Variants in CRB1 observed in about 807,000 individuals in gnomAD.
CRB1 encodes the protein protein crumbs homolog 1.
CRB1 carries 83 observed loss-of-function variants against 120.0 expected under a neutral mutation model. The ratio of observed to expected loss-of-function variants is 0.69; its 90% confidence interval spans 0.58 to 0.83. The LOEUF (loss-of-function observed/expected upper bound fraction) is 0.83. CRB1 is among the 40% of genes least tolerant of loss of function. The probability of loss-of-function intolerance (pLI) is 0.00; values close to 1 mark genes in which losing one functional copy is unlikely to be tolerated. For missense variants in CRB1, 1,699 were observed against 1,687.6 expected, an observed-to-expected ratio of 1.01 and a Z score of -0.12; for synonymous variants, 625 against 612.5, an observed-to-expected ratio of 1.02 and a Z score of -0.30.
chr1:197,471,137 G>T (rs566125572), intron 11 of CRB1, among the ~76,000 whole-genome samples: 7 of 152,014 alleles, frequency 4.6e-5, no homozygotes, highest in African/African-American at 1.7e-4. Flanking sequence ...ATATCAGAAG[G>T]TTCCCAGGAA....
At chr1:197,204,587 A>T in the CRB1 span, among the ~76,000 whole-genome samples, 1 of 151,878 alleles carries the variant, frequency 6.6e-6, no homozygotes, top group South Asian at 2.1e-4. Context: ...TCTTTTGAGG[A>T]TTATCTATTC....
chr1:197,266,924 G>A (rs539450940), upstream of CRB1, among the ~76,000 whole-genome samples: 3 of 152,138 alleles, frequency 2.0e-5, no homozygotes, highest in South Asian at 4.2e-4. Flanking sequence ...TTTTTAGAAC[G>A]AATGGAGATC....
the CRB1 span, among the ~76,000 whole-genome samples, chr1:197,245,806 C>T: frequency 6.6e-6 from 1 of 152,014 alleles, no homozygotes; most frequent in Non-Finnish European, 1.5e-5. Context: ...AGAAGAAGGG[C>T]AGGTTCCTTA....
upstream of CRB1, among the ~76,000 whole-genome samples, chr1:197,264,348 C>T (rs1039880971): frequency 2.6e-5 from 4 of 151,930 alleles, no homozygotes; most frequent in Non-Finnish European, 5.9e-5. Context: ...TTATATATAC[C>T]GTATTTTCTT....
chr1:197,468,754 T>C (rs1346908274), intron 11 of CRB1, among the ~76,000 whole-genome samples: 2 of 152,188 alleles, frequency 1.3e-5, no homozygotes, highest in Non-Finnish European at 2.9e-5. Context: ...ACAGCTCTTC[T>C]CAAAAATGTG....
the CRB1 span, among the ~76,000 whole-genome samples, chr1:197,241,957 T>C: frequency 6.6e-6 from 1 of 152,192 alleles, no homozygotes; most frequent in Non-Finnish European, 1.5e-5. Flanking sequence ...GTAGCAATTG[T>C]GAATGGGAAT....
At chr1:197,297,024 T>G (rs1400106018) in intron 1 of CRB1, among the ~76,000 whole-genome samples, 1 of 152,036 alleles carries the variant, frequency 6.6e-6, no homozygotes, top group Middle Eastern at 3.2e-3. Context: ...CTTGATTGAC[T>G]TCCTCTCTTT....
intron 2 of CRB1, among the ~76,000 whole-genome samples, chr1:197,341,647 G>T (rs2786107): frequency 0.8 from 120,996 of 152,196 alleles, 49,372 homozygotes; most frequent in African/African-American, 0.91. Context: ...TGACTTCTGT[G>T]AGAATGATCA....
At chr1:197,383,706 C>T (rs1662072672) in intron 5 of CRB1, among the ~76,000 whole-genome samples, 1 of 152,128 alleles carries the variant, frequency 6.6e-6, no homozygotes, top group Non-Finnish European at 1.5e-5. Flanking sequence ...GTTTTTCTTC[C>T]TCCATGCCAG....
chr1:197,201,933 C>A, the CRB1 span, among the ~76,000 whole-genome samples: 1 of 151,864 alleles, frequency 6.6e-6, no homozygotes, highest in Admixed American at 6.6e-5. Context: ...GAAAGGAAGC[C>A]GAAACAAAAA....
At chr1:197,343,028 T>A (rs1179884426) in intron 2 of CRB1, among the ~76,000 whole-genome samples, 4 of 152,204 alleles carry the variant, frequency 2.6e-5, no homozygotes, top group African/African-American at 9.7e-5. Flanking sequence ...ATTTCCATTT[T>A]CACCGACATA....
At chr1:197,324,457 G>A (rs780178165) in intron 1 of CRB1, among the ~76,000 whole-genome samples, 2 of 152,120 alleles carry the variant, frequency 1.3e-5, no homozygotes, top group Non-Finnish European at 2.9e-5. Flanking sequence ...ATGCTTGATT[G>A]TTATAAGGAA....
chr1:197,440,668 G>A (rs1665390235), intron 10 of CRB1: 1 of 152,244 alleles, frequency 6.6e-6, no homozygotes, highest in African/African-American at 2.4e-5. Flanking sequence ...GAGGAAGACA[G>A]AAAATAGTGG....
intron 3 of CRB1, among the ~76,000 whole-genome samples, chr1:197,344,911 T>C (rs546010998): frequency 3.9e-5 from 6 of 152,358 alleles, no homozygotes; most frequent in African/African-American, 1.4e-4. Context: ...TTTAATTACT[T>C]ATATCTTGAA....
In CRB1 at chr1:197,477,908, C is replaced by T. The variant is rs1248765737; in HGVS notation, c.*29C>T. 6.3e-7 allele frequency: 1 copy of T among 1,594,690 alleles called. No individual in the cohort carries two copies. The highest frequency in any genetic ancestry group is 8.6e-7 in the Non-Finnish European group (1 of 1,162,614). ...CATTGTGTCCCTTCGAGATGGGGAT[C>T]CACACACTGTGAATGTGATGACTGT... On this transcript the variant is annotated 3_prime_UTR_variant, in exon 12 of 12. Transcript: ENST00000367400.
At chr1:197,452,154 A>G (rs113326831) in intron 11 of CRB1, among the ~76,000 whole-genome samples, 1 of 152,194 alleles carries the variant, frequency 6.6e-6, no homozygotes, top group Non-Finnish European at 1.5e-5. Flanking sequence ...TTTAGACTCT[A>G]CAAGTATCCC....
intron 1 of CRB1, among the ~76,000 whole-genome samples, chr1:197,305,147 C>T (rs1400199115): frequency 2.6e-5 from 4 of 152,096 alleles, no homozygotes; most frequent in African/African-American, 7.2e-5. Flanking sequence ...GCTGTGTGCT[C>T]TAATGTTCTT....
intron 1 of CRB1, among the ~76,000 whole-genome samples, chr1:197,324,835 C>A (rs925755959): frequency 3.3e-5 from 5 of 152,140 alleles, no homozygotes; most frequent in African/African-American, 1.2e-4. Flanking sequence ...AAATTTAAAT[C>A]TCTGTCTACC....
chr1:197,399,523 A>T (rs950861200), intron 5 of CRB1, among the ~76,000 whole-genome samples: 1 of 152,208 alleles, frequency 6.6e-6, no homozygotes, highest in African/African-American at 2.4e-5. Context: ...TCTATAAAAT[A>T]GAGATTATAA....
Sources: allele counts gnomAD v4.1 joint callset (sites outside exome capture counted in the v4.1 genomes callset), GRCh38; gene constraint gnomAD v4.1.1; transcripts MANE v1.5; gene names NCBI Gene and HGNC (gene_info 2026-07-23, HGNC 2026-07-21).